Variants in DAB1 observed in about 807,000 individuals in gnomAD.
The protein encoded by DAB1 is DAB adaptor protein 1.
A neutral mutation model predicts 64.6 loss-of-function variants in DAB1; 15 were observed. That is an observed-to-expected ratio of 0.23 (90% CI 0.16 to 0.36). The LOEUF (loss-of-function observed/expected upper bound fraction) is 0.36. Ranked by LOEUF, DAB1 falls within the 10% of genes least tolerant of loss-of-function variation. The pLI, the probability that DAB1 is intolerant of heterozygous loss-of-function variation, is 1.00. For missense variants in DAB1, 596 were observed against 706.7 expected (o/e 0.84, Z 1.78); for synonymous variants, 235 against 251.9 (o/e 0.93, Z 0.64).
intron 7 of DAB1, among the ~76,000 whole-genome samples, chr1:57,440,643 G>A (rs575492352): frequency 2.0e-4 from 31 of 152,262 alleles, no homozygotes; most frequent in Non-Finnish European, 3.8e-4. Context: ...AGGCAAAACC[G>A]TTCATAGCTC....
chr1:57,752,507 T>C (rs963760700), intron 6 of DAB1, among the ~76,000 whole-genome samples: 2 of 152,230 alleles, frequency 1.3e-5, no homozygotes, highest in Non-Finnish European at 2.9e-5. Flanking sequence ...GAATGAATTA[T>C]TCTCTGTTCA....
intron 7 of DAB1, among the ~76,000 whole-genome samples, chr1:57,603,768 T>G (rs921632557): frequency 2.0e-5 from 3 of 152,148 alleles, no homozygotes; most frequent in Admixed American, 2.0e-4. Context: ...CCCTGAAAAT[T>G]CACAGGTGAA....
intron 3 of DAB1, among the ~76,000 whole-genome samples, chr1:58,379,031 C>G (rs1463328214): frequency 2.0e-5 from 3 of 151,312 alleles, no homozygotes; most frequent in African/African-American, 7.3e-5. Context: ...CCTCGCCCTG[C>G]TTCGGCTCGC....
intron 1 of DAB1, among the ~76,000 whole-genome samples, chr1:58,546,057 C>T (rs558712700): frequency 1.3e-5 from 2 of 152,246 alleles, no homozygotes; most frequent in East Asian, 1.9e-4. Context: ...GAGGATTGCA[C>T]GGCACAATAA....
intron 3 of DAB1, among the ~76,000 whole-genome samples, chr1:58,356,006 C>A (rs756764220): frequency 2.0e-5 from 3 of 152,164 alleles, no homozygotes; most frequent in Non-Finnish European, 4.4e-5. Flanking sequence ...AAGGAAAAAC[C>A]ACAGTACTCC....
chr1:57,169,653 C>T (rs1661541917), intron 2 of DAB1, among the ~76,000 whole-genome samples: 1 of 152,154 alleles, frequency 6.6e-6, no homozygotes, highest in Non-Finnish European at 1.5e-5. Flanking sequence ...CCAGAACCCC[C>T]AATCCTCAAT....
At chr1:58,338,821 G>A (rs1032371697) in intron 4 of DAB1, among the ~76,000 whole-genome samples, 3 of 152,040 alleles carry the variant, frequency 2.0e-5, no homozygotes, top group African/African-American at 7.2e-5. Flanking sequence ...AAAATTACTC[G>A]ACCATAAAAA....
chr1:58,403,098 GTTGAGT>G (rs1644587042), intron 3 of DAB1, among the ~76,000 whole-genome samples: 1 of 152,144 alleles, frequency 6.6e-6, no homozygotes, highest in Non-Finnish European at 1.5e-5. Flanking sequence ...ATTCATTGCA[GTTGAGT>G]TGTGTTAAAG....
At chr1:57,860,611 T>C (rs1189774253) in intron 1 of DAB1, 1 of 152,244 alleles carries the variant, frequency 6.6e-6, no homozygotes, top group East Asian at 1.9e-4. Flanking sequence ...AGGATGGCAG[T>C]GAGGCAGGCA....
chr1:57,598,684 G>A lies in DAB1; in HGVS notation n.625+50908C>T, dbSNP rs75097100. Among the ~76,000 whole-genome samples the A allele has an allele frequency of 1.9e-4, 29 of 152,284 alleles. No homozygotes were observed. The East Asian group carries it at 5.6e-3, about 29-fold the overall frequency. On this transcript the variant is annotated intron_variant and non_coding_transcript_variant, in intron 7 of 20. Coordinates refer to the DAB1 transcript ENST00000485760. Reference sequence around the variant, plus strand: ...GGGCAGTGACAGGGGCAGCTCAGAAGACAACTTACTAGCCTGAGCATGGCA... The same window carrying A: ...GGGCAGTGACAGGGGCAGCTCAGAAAACAACTTACTAGCCTGAGCATGGCA...
intron 5 of DAB1, among the ~76,000 whole-genome samples, chr1:57,931,914 T>C (rs893070240): frequency 1.3e-5 from 2 of 152,134 alleles, no homozygotes; most frequent in African/African-American, 4.8e-5. Flanking sequence ...TATTTCCCTT[T>C]TCTGTTTCCC....
At chr1:58,322,732 A>G (rs1662715979) in intron 4 of DAB1, among the ~76,000 whole-genome samples, 2 of 152,306 alleles carry the variant, frequency 1.3e-5, no homozygotes, top group East Asian at 3.9e-4. Flanking sequence ...CAGTGATCCC[A>G]TTACTGGGTA....
rs991131099 is a variant in DAB1 at position 57,474,624 on chromosome 1, A to G, written n.625+174968T>C. 1.2e-4 allele frequency among the ~76,000 whole-genome samples: 19 copies of G among 152,156 alleles called. 1 individual carries two copies. Among genetic ancestry groups the G allele is most frequent in the African/African-American group, 4.6e-4 (19 of 41,440 alleles). The stretch of plus-strand genomic sequence containing the variant: ...ATATTTAGCCAAAAAGAAATATCCT[A>G]TTATCTGGGATTAAAGTGTCAATAT... On this transcript the variant is annotated intron_variant and non_coding_transcript_variant, in intron 7 of 20. Coordinates refer to the DAB1 transcript ENST00000485760.
chr1:58,283,139 C>G (rs1009238306), intron 4 of DAB1, among the ~76,000 whole-genome samples: 1 of 152,048 alleles, frequency 6.6e-6, no homozygotes, highest in Non-Finnish European at 1.5e-5. Flanking sequence ...TTCCCCACCC[C>G]CCAAGCCCCA....
At chr1:57,169,511 C>A (rs1661526447) in intron 2 of DAB1, among the ~76,000 whole-genome samples, 1 of 152,210 alleles carries the variant, frequency 6.6e-6, no homozygotes, top group African/African-American at 2.4e-5. Context: ...TAACCATTAA[C>A]AAGATACTGT....
At chr1:57,647,293 A>G (rs1045319930) in intron 7 of DAB1, among the ~76,000 whole-genome samples, 1 of 152,198 alleles carries the variant, frequency 6.6e-6, no homozygotes, top group Non-Finnish European at 1.5e-5. Flanking sequence ...ACCTTCAGCA[A>G]TGCATGATTT....
At chr1:57,786,748 T>A (rs1265211129) in intron 6 of DAB1, among the ~76,000 whole-genome samples, 3 of 152,156 alleles carry the variant, frequency 2.0e-5, no homozygotes, top group African/African-American at 7.2e-5. Context: ...GAATATAGGC[T>A]CTTGAAAACT....
chr1:57,993,122 C>T (rs1267510518), intron 5 of DAB1, among the ~76,000 whole-genome samples: 6 of 152,286 alleles, frequency 3.9e-5, no homozygotes, highest in South Asian at 2.1e-4. Flanking sequence ...TTAACACTTT[C>T]ATGAGCACTT....
chr1:57,971,099 C>A (rs947767826), intron 5 of DAB1, among the ~76,000 whole-genome samples: 5 of 152,102 alleles, frequency 3.3e-5, no homozygotes, highest in Non-Finnish European at 7.3e-5. Context: ...AGAAACAAAA[C>A]CAAGGAGGCA....
Sources: gnomAD v4.1 joint callset for allele counts (sites outside exome capture counted in the v4.1 genomes callset) on GRCh38, gnomAD v4.1.1 for gene constraint, MANE v1.5 for transcripts, NCBI Gene and HGNC (gene_info 2026-07-23, HGNC 2026-07-21) for gene names.